The following ITGB3BP variants were observed in gnomAD, a reference collection of about 807,000 sequenced individuals.
The protein encoded by ITGB3BP is integrin subunit beta 3 binding protein.
Under a neutral mutation model 29.1 loss-of-function variants are expected in ITGB3BP, and 27 were observed. That is an observed-to-expected ratio of 0.93 (90% CI 0.68 to 1.28). ITGB3BP has a LOEUF of 1.28. Ranked by LOEUF, ITGB3BP falls within the 50% of genes most tolerant of loss-of-function variation. The probability of loss-of-function intolerance (pLI) is 0.00; values close to 1 mark genes in which losing one functional copy is unlikely to be tolerated. For synonymous variants in ITGB3BP, 61 were observed against 61.4 expected (o/e 0.99, Z 0.03); for missense variants, 192 against 200.2 (o/e 0.96, Z 0.25).
intron 8 of ITGB3BP, among the ~76,000 whole-genome samples, chr1:63,445,551 AT>A (rs748831100): frequency 6.6e-6 from 1 of 151,446 alleles, no homozygotes; most frequent in African/African-American, 2.4e-5. Flanking sequence ...TTGTGCTTTG[AT>A]TTTTTTTCCC....
chr1:63,503,883 G>A (rs1439453265), intron 2 of ITGB3BP, among the ~76,000 whole-genome samples: 14 of 152,082 alleles, frequency 9.2e-5, no homozygotes, highest in African/African-American at 2.7e-4. Context: ...CCTCTCTTTT[G>A]GTACCAGTAC....
At chr1:63,460,537 T>C (rs2100532816) in intron 4 of ITGB3BP, among the ~76,000 whole-genome samples, 1 of 152,336 alleles carries the variant, frequency 6.6e-6, no homozygotes, top group South Asian at 2.1e-4. Context: ...ACTTTATCCA[T>C]TCATTTGCTG....
chr1:63,496,991 CCTT>C (rs1645802350), intron 2 of ITGB3BP, among the ~76,000 whole-genome samples: 1 of 152,194 alleles, frequency 6.6e-6, no homozygotes, highest in African/African-American at 2.4e-5. Context: ...CCAGATCTAT[CCTT>C]CACTGAGATT....
intron 4 of ITGB3BP, among the ~76,000 whole-genome samples, chr1:63,463,601 G>A (rs1334150325): frequency 6.6e-6 from 1 of 152,190 alleles, no homozygotes; most frequent in South Asian, 2.1e-4. Context: ...CACCATTACT[G>A]CATTTTCATA....
chr1:63,509,460 C>G (rs191025732), intron 1 of ITGB3BP, among the ~76,000 whole-genome samples: 101 of 152,072 alleles, frequency 6.6e-4, no homozygotes, highest in African/African-American at 2.4e-3. Flanking sequence ...GAGCATAAAG[C>G]AAAAAGATTG....
intron 1 of ITGB3BP, among the ~76,000 whole-genome samples, chr1:63,511,733 A>G (rs1646203694): frequency 6.6e-6 from 1 of 152,130 alleles, no homozygotes; most frequent in African/African-American, 2.4e-5. Context: ...AGAGTAGTCA[A>G]GTTCATGGAG....
intron 2 of ITGB3BP, among the ~76,000 whole-genome samples, chr1:63,494,312 T>A (rs1645735407): frequency 6.6e-6 from 1 of 152,116 alleles, no homozygotes. Context: ...AGAGACAAGG[T>A]TTCACTATGT....
At chr1:63,476,437 G>A (rs1017161596) in intron 4 of ITGB3BP, among the ~76,000 whole-genome samples, 7 of 152,068 alleles carry the variant, frequency 4.6e-5, no homozygotes, top group African/African-American at 1.4e-4. Flanking sequence ...ACCAATTCAT[G>A]GAGTGATATA....
intron 1 of ITGB3BP, among the ~76,000 whole-genome samples, chr1:63,517,388 AT>A (rs768981237): frequency 8.1e-5 from 12 of 148,868 alleles, no homozygotes; most frequent in African/African-American, 1.5e-4. Context: ...TAATAAAAAA[AT>A]AAAAATAAAT....
In ITGB3BP at chr1:63,500,440, C is replaced by CA. The variant is rs202072972; in HGVS notation, c.48+8087dup. The stretch of plus-strand genomic sequence containing the variant: ...CTAATAAATGGGTTCAGCAAAGCTG[C>CA]AGGATATATGATCCATATGTAAAAA... On this transcript the variant is annotated intron_variant, in intron 2 of 8. Coordinates refer to ENST00000271002, the MANE Select transcript of ITGB3BP (RefSeq NM_014288.5). Among the ~76,000 whole-genome samples, 1,157 of 152,180 alleles carry CA rather than the reference C, an allele frequency of 7.6e-3. 8 individuals are homozygous for CA. The highest frequency in any genetic ancestry group is 0.026 in the African/African-American group (1,096 of 41,528).
intron 1 of ITGB3BP, among the ~76,000 whole-genome samples, chr1:63,520,908 A>G (rs1400997234): frequency 6.6e-6 from 1 of 152,234 alleles, no homozygotes; most frequent in East Asian, 1.9e-4. Context: ...TATAAGGATA[A>G]CAAATGTAGT....
chr1:63,473,270 T>G (rs1478247831), intron 4 of ITGB3BP, among the ~76,000 whole-genome samples: 1 of 151,148 alleles, frequency 6.6e-6, no homozygotes, highest in African/African-American at 2.4e-5. Flanking sequence ...GAGGAGCCCC[T>G]CTGTCCGGCA....
chr1:63,471,351 A>G (rs1190789010), intron 4 of ITGB3BP, among the ~76,000 whole-genome samples: 2 of 144,898 alleles, frequency 1.4e-5, no homozygotes, highest in Non-Finnish European at 3.0e-5. Context: ...CTGCAAGTTC[A>G]CGCCATTCTT....
chr1:63,491,857 G>A (rs1391311614), intron 2 of ITGB3BP, among the ~76,000 whole-genome samples: 2 of 151,784 alleles, frequency 1.3e-5, no homozygotes, highest in Non-Finnish European at 2.9e-5. Context: ...ACAGTGAAAG[G>A]GTTTTAAGTC....
chr1:63,517,114 A>G (rs1163307452), intron 1 of ITGB3BP, among the ~76,000 whole-genome samples: 9 of 152,182 alleles, frequency 5.9e-5, no homozygotes, highest in Admixed American at 3.3e-4. Context: ...ATAATACCAA[A>G]TACTATTATA....
At chr1:63,482,270 C>CAAAAAAAAAAA (rs376500389) in intron 3 of ITGB3BP, among the ~76,000 whole-genome samples, 1 of 59,348 alleles carries the variant, frequency 1.7e-5, no homozygotes, top group Non-Finnish European at 2.9e-5. Flanking sequence ...GACTCCATCT[C>CAAAAAAAAAAA]AAAAAAAAAA....
chr1:63,486,229 CT>C (rs1471211508), intron 3 of ITGB3BP, among the ~76,000 whole-genome samples: 1 of 151,988 alleles, frequency 6.6e-6, no homozygotes, highest in Non-Finnish European at 1.5e-5. Context: ...TATTCTTCTA[CT>C]TTCATTATTA....
intron 3 of ITGB3BP, among the ~76,000 whole-genome samples, chr1:63,488,469 A>G (rs1645575681): frequency 6.6e-6 from 1 of 152,060 alleles, no homozygotes; most frequent in Non-Finnish European, 1.5e-5. Flanking sequence ...GTTTTGTATA[A>G]TATTTTAAAA....
At chr1:63,515,825 T>TAAAAAAAAAA (rs76881362) in intron 1 of ITGB3BP, among the ~76,000 whole-genome samples, 1 of 48,592 alleles carries the variant, frequency 2.1e-5, no homozygotes, top group African/African-American at 8.5e-5. Flanking sequence ...GACTCCAACT[T>TAAAAAAAAAA]AAAAAAAAAA....
Sources: gnomAD v4.1 joint callset for allele counts (sites outside exome capture counted in the v4.1 genomes callset) on GRCh38, gnomAD v4.1.1 for gene constraint, MANE v1.5 for transcripts, NCBI Gene and HGNC (gene_info 2026-07-23, HGNC 2026-07-21) for gene names.